The following PSMD1 variants were observed in gnomAD, a reference collection of about 807,000 sequenced individuals.
The protein encoded by PSMD1 is proteasome 26S subunit, non-ATPase 1.
PSMD1 carries 18 observed loss-of-function variants against 119.0 expected under a neutral mutation model. That is an observed-to-expected ratio of 0.15 (90% CI 0.10 to 0.22). The LOEUF is 0.22. Among genes scored for constraint, PSMD1 ranks in the 10% least tolerant of loss-of-function variants. The probability of loss-of-function intolerance (pLI) is 1.00; values close to 1 mark genes in which losing one functional copy is unlikely to be tolerated. For missense variants in PSMD1, 702 were observed against 1,158.5 expected, an observed-to-expected ratio of 0.61 and a Z score of 5.72; for synonymous variants, 374 against 396.6, an observed-to-expected ratio of 0.94 and a Z score of 0.68.
At chr2:231,072,933 G>T (rs1211183921) in intron 7 of PSMD1, among the ~76,000 whole-genome samples, 1 of 152,066 alleles carries the variant, frequency 6.6e-6, no homozygotes, top group Non-Finnish European at 1.5e-5. Flanking sequence ...TGTCTTAGTT[G>T]TGCCTGTATA....
chr2:231,143,227 TGG>T (rs1438969039), intron 17 of PSMD1, among the ~76,000 whole-genome samples: 1 of 149,712 alleles, frequency 6.7e-6, no homozygotes, highest in African/African-American at 2.5e-5. Context: ...TGGTTTGGTT[TGG>T]TTTGGTTTGG....
intron 17 of PSMD1, among the ~76,000 whole-genome samples, chr2:231,142,072 G>A (rs62193731): frequency 0.16 from 24,880 of 151,820 alleles, 2,183 homozygotes; most frequent in Non-Finnish European, 0.16. Flanking sequence ...TAGTAGAGGC[G>A]GGGTTTCACC....
chr2:231,139,087 C>T, intron 17 of PSMD1: 3 of 539,404 alleles, frequency 5.6e-6, no homozygotes, highest in Admixed American at 6.2e-5. Flanking sequence ...TTTTGAATTT[C>T]TTTTTGAAAT....
In PSMD1 at chr2:231,166,020, A is replaced by G; in HGVS notation, c.2715+3A>G. On this transcript the variant is annotated splice_donor_region_variant and intron_variant, in intron 23 of 24. Transcript: ENST00000308696. Reference sequence around the variant, plus strand: ...GTAGATACCAGCCTTTCAAACCAGTAAGTTACCAGTGACTCTTAGCTGTAT... The same window carrying G: ...GTAGATACCAGCCTTTCAAACCAGTGAGTTACCAGTGACTCTTAGCTGTAT... 6.2e-7 allele frequency: 1 copy of G among 1,611,006 alleles called. No homozygotes were observed. The highest frequency in any genetic ancestry group is 8.5e-7 in the Non-Finnish European group (1 of 1,178,792).
At chr2:231,132,211 T>C (rs1356030851) in intron 16 of PSMD1, among the ~76,000 whole-genome samples, 1 of 152,202 alleles carries the variant, frequency 6.6e-6, no homozygotes. Context: ...TTGAGTTTTG[T>C]GGTTGGTTTA....
At chr2:231,167,239 A>G (rs1696806537) in intron 23 of PSMD1, among the ~76,000 whole-genome samples, 1 of 148,216 alleles carries the variant, frequency 6.7e-6, no homozygotes, top group Admixed American at 6.7e-5. Context: ...GCGGTTTTAC[A>G]GAGAACGTAT....
chr2:231,085,171 A>G (rs1033163890), intron 15 of PSMD1, 57 bp downstream of exon 15: 1 of 1,414,922 alleles, frequency 7.1e-7, no homozygotes, highest in African/African-American at 1.4e-5. Context: ...GCAGATGGAC[A>G]ATAAGTGTCT....
At chr2:231,112,278 C>T (rs566844460) in intron 16 of PSMD1, among the ~76,000 whole-genome samples, 3 of 152,312 alleles carry the variant, frequency 2.0e-5, no homozygotes, top group Admixed American at 2.0e-4. Context: ...TTAATTTTCA[C>T]CCATTGTCTC....
At chr2:231,085,679 G>A (rs953378217) in intron 15 of PSMD1, among the ~76,000 whole-genome samples, 4 of 127,410 alleles carry the variant, frequency 3.1e-5, no homozygotes, top group Non-Finnish European at 6.2e-5. Flanking sequence ...TAAGGAACAT[G>A]ATCTATTACA....
At chr2:231,134,291 T>G (rs2079051986) in intron 16 of PSMD1, among the ~76,000 whole-genome samples, 1 of 152,202 alleles carries the variant, frequency 6.6e-6, no homozygotes, top group African/African-American at 2.4e-5. Context: ...CCCAAAATTC[T>G]GTGTTATCTG....
At chr2:231,143,966 G>T (rs1448892048) in intron 17 of PSMD1, among the ~76,000 whole-genome samples, 2 of 151,982 alleles carry the variant, frequency 1.3e-5, no homozygotes, top group African/African-American at 4.8e-5. Context: ...AAAATATTTT[G>T]TTTGGAAAAT....
intron 16 of PSMD1, among the ~76,000 whole-genome samples, chr2:231,121,132 A>G (rs1216040141): frequency 6.6e-6 from 1 of 152,214 alleles, no homozygotes; most frequent in Non-Finnish European, 1.5e-5. Context: ...AGTAGTTCAC[A>G]GATTTGTTCA....
chr2:231,132,794 A>G, intron 16 of PSMD1, among the ~76,000 whole-genome samples: 1 of 152,238 alleles, frequency 6.6e-6, no homozygotes, highest in Non-Finnish European at 1.5e-5. Context: ...AAGAAAAGAG[A>G]TCCTTTAAGG....
intron 16 of PSMD1, chr2:231,113,901 T>C (rs1695245149): frequency 6.2e-7 from 1 of 1,613,940 alleles, no homozygotes; most frequent in East Asian, 2.2e-5. Flanking sequence ...AGGCAGGACA[T>C]AGAACAAGTG....
intron 16 of PSMD1, among the ~76,000 whole-genome samples, chr2:231,119,123 C>G (rs1695444957): frequency 6.6e-6 from 1 of 152,082 alleles, no homozygotes; most frequent in Non-Finnish European, 1.5e-5. Context: ...CATTTTAATG[C>G]TTACAGAATT....
chr2:231,067,000 C>T lies in PSMD1; in HGVS notation c.399C>T (p.Ile133=), dbSNP rs1307301736. 1.2e-6 allele frequency: 2 copies of T among 1,613,392 alleles called. No homozygotes were observed. Among genetic ancestry groups the T allele is most frequent in the East Asian group, 2.2e-5 (1 of 44,842 alleles). ...KKPIDQRLEG[I]VNKMFQRCLD... The stretch of plus-strand genomic sequence containing the variant: ...CAATTGACCAGAGATTGGAAGGCAT[C>T]GTAAATAAAATGTTCCAGCGATGTC... Residue 133 remains isoleucine, a synonymous_variant, in exon 5 of 25, where the codon ATC becomes ATT. Coordinates refer to ENST00000308696, the MANE Select transcript of PSMD1 (RefSeq NM_002807.4).
chr2:231,063,007 C>G (rs1178914707), intron 4 of PSMD1, among the ~76,000 whole-genome samples: 2 of 152,142 alleles, frequency 1.3e-5, no homozygotes, highest in Non-Finnish European at 2.9e-5. Context: ...GTGCTAGGCA[C>G]CGTGCTAGTC....
At chr2:231,079,895 T>G (rs1694263288) in intron 11 of PSMD1, among the ~76,000 whole-genome samples, 1 of 152,178 alleles carries the variant, frequency 6.6e-6, no homozygotes, top group South Asian at 2.1e-4. Flanking sequence ...TGGGCAAATG[T>G]TATAAAACAA....
At chr2:231,106,617 CA>C (rs1233944858) in intron 16 of PSMD1, among the ~76,000 whole-genome samples, 2 of 148,852 alleles carry the variant, frequency 1.3e-5, no homozygotes, top group Non-Finnish European at 3.0e-5. Context: ...GAATCTGTCT[CA>C]AAAAAAGAAA....
Sources: gnomAD v4.1 joint callset for allele counts (sites outside exome capture counted in the v4.1 genomes callset) on GRCh38, gnomAD v4.1.1 for gene constraint, MANE v1.5 for transcripts, NCBI Gene and HGNC (gene_info 2026-07-23, HGNC 2026-07-21) for gene names.